Variants in RNF213 observed in about 807,000 individuals in gnomAD.
The protein encoded by RNF213 is E3 ubiquitin-protein ligase RNF213.
RNF213 carries 341 observed loss-of-function variants against 514.4 expected under a neutral mutation model. That is an observed-to-expected ratio of 0.66 (90% confidence interval 0.61 to 0.73). The LOEUF is 0.73. RNF213 is among the 30% of genes least tolerant of loss of function. The pLI is 0.00. For synonymous variants in RNF213, 2,655 were observed against 2,658.2 expected, an observed-to-expected ratio of 1.00 and a Z score of 0.04; for missense variants, 5,767 against 6,615.6, an observed-to-expected ratio of 0.87 and a Z score of 4.45.
At chr17:80,385,245 A>G (rs1221630099) in intron 60 of RNF213, 74 bp downstream of exon 60, 2 of 1,581,968 alleles carry the variant, frequency 1.3e-6, no homozygotes, top group Non-Finnish European at 1.7e-6. Context: ...ATAGGGGAAC[A>G]GGGTGGGGCG....
chr17:80,361,934 G>A, intron 39 of RNF213, 46 bp downstream of exon 39: 1 of 1,586,934 alleles, frequency 6.3e-7, no homozygotes, highest in Non-Finnish European at 8.6e-7. Context: ...GAGCTTGCAT[G>A]ATGGGGACTG....
chr17:80,351,389 A>T (rs1206213429), intron 31 of RNF213, among the ~76,000 whole-genome samples: 1 of 152,234 alleles, frequency 6.6e-6, no homozygotes, highest in Non-Finnish European at 1.5e-5. Flanking sequence ...CCCATTGAGG[A>T]GCACAAGATA....
rs1225140374 is a variant in RNF213 at position 80,288,450 on chromosome 17, G to A, written c.810+87G>A. ...TGCAAGGTGCTGGCGTTGCTTCCCTGCCGGGGGGAGGGGCGTCCTCTGGGC... is the reference window on the plus strand; with the variant it reads ...TGCAAGGTGCTGGCGTTGCTTCCCTACCGGGGGGAGGGGCGTCCTCTGGGC... On this transcript the variant is annotated intron_variant, in intron 4 of 67. Coordinates refer to ENST00000582970, the MANE Select transcript of RNF213 (RefSeq NM_001256071.3). The surrounding 1 kb of genome is among the most constrained non-coding windows in gnomAD (Gnocchi z 4.9). 2 of 1,596,314 alleles carry A rather than the reference G, an allele frequency of 1.3e-6. No homozygotes were observed. Among genetic ancestry groups the A allele is most frequent in the Non-Finnish European group, 1.7e-6 (2 of 1,170,436 alleles).
At position 80,291,626 on chromosome 17, in the gene RNF213, A is replaced by G. The variant is rs753546396; in HGVS notation, c.1272-2A>G. ...AGCCAACCGTATCCTGTTCATTCAC[A>G]GAGACTTGGGTCATGACCGCGTTCT... On this transcript the variant is annotated splice_acceptor_variant, in intron 7 of 67. Transcript: ENST00000582970. LOFTEE classifies it high-confidence loss of function. 4 of 1,614,218 alleles carry G rather than the reference A, an allele frequency of 2.5e-6. No homozygotes were observed. Among genetic ancestry groups the G allele is most frequent in the Non-Finnish European group, 3.4e-6 (4 of 1,180,018 alleles).
At chr17:80,290,471 ACGTGTGTGTGCG>A (rs2044674577) in intron 6 of RNF213, 87 bp from the exon 7 acceptor site, 1 of 1,419,776 alleles carries the variant, frequency 7.0e-7, no homozygotes, top group Non-Finnish European at 9.8e-7. Flanking sequence ...GTGTGTGTGC[ACGTGTGTGTGCG>A]CACGTGTGTG....
In RNF213 at chr17:80,386,427, A is replaced by G. The variant is rs1233742916; in HGVS notation, c.14717A>G (p.Asn4906Ser). The change falls in exon 62 of 68, where the codon AAC becomes AGC. Residue 4906 changes from asparagine to serine, a missense_variant. This residue lies in a region of RNF213 where 1,245 missense variants were observed against 1,339.0 expected (regional missense o/e 0.93). Coordinates refer to ENST00000582970, the MANE Select transcript of RNF213 (RefSeq NM_001256071.3). ...GTGGAAAAACTCTCCAAGGAAAACA[A>G]CAGGTTTGTGCACGAGCCACCAGGA... is the stretch of plus-strand genomic sequence containing the variant. ...YAVEKLSKEN[N>S]SYSVDAAEVT... The G allele has an allele frequency of 6.2e-7, 1 of 1,613,970 alleles. No homozygotes were observed. The highest frequency in any genetic ancestry group is 8.5e-7 in the Non-Finnish European group (1 of 1,180,014).
chr17:80,271,193 C>A (rs2043810734), intron 2 of RNF213, among the ~76,000 whole-genome samples: 1 of 152,146 alleles, frequency 6.6e-6, no homozygotes, highest in African/African-American at 2.4e-5. Context: ...AAGGATGGGG[C>A]CTTGGGTCGC....
chr17:80,339,403 A>G lies in RNF213; in HGVS notation c.5036A>G (p.Gln1679Arg). 1 of 1,537,304 alleles carries G rather than the reference A, an allele frequency of 6.5e-7. No individual in the cohort carries two copies. The highest frequency in any genetic ancestry group is 8.7e-7 in the Non-Finnish European group (1 of 1,146,924). The stretch of plus-strand genomic sequence containing the variant: ...GAGCTGCTGGCAGCCCTCTGCAGGC[A>G]GATGGAGCACTTCCTTGACAGCTGG... Reference protein sequence around the residue: ...VTELLAALCRQMEHFLDSWKR... With the variant: ...VTELLAALCRRMEHFLDSWKR... The change falls in exon 26 of 68, where the codon CAG (glutamine) becomes CGG (arginine). Residue 1679 changes from glutamine (Q) to arginine (R), a missense_variant. Gln to Arg is a conservative substitution (Grantham distance 43). Coordinates refer to ENST00000582970, the MANE Select transcript of RNF213 (RefSeq NM_001256071.3).
rs1193499024 is a variant in RNF213 at position 80,343,534 on chromosome 17, C to T, written c.6183+209C>T. 2.0e-5 allele frequency among the ~76,000 whole-genome samples: 3 copies of T among 152,184 alleles called. No individual in the cohort carries two copies. Among genetic ancestry groups the T allele is most frequent in the Non-Finnish European group, 4.4e-5 (3 of 68,040 alleles). On this transcript the variant is annotated intron_variant, in intron 27 of 67. Coordinates refer to ENST00000582970, the MANE Select transcript of RNF213 (RefSeq NM_001256071.3). This position sits in a 1 kb window ranked among gnomAD's most constrained non-coding sequence, Gnocchi z 4.3. ...TGGTGTGCGCTTACACTAACCTAGA[C>T]GTAGAGCCCACTGCACACACAGGCT...
chr17:80,282,968 G>A (rs2044350587), intron 3 of RNF213, among the ~76,000 whole-genome samples: 1 of 152,200 alleles, frequency 6.6e-6, no homozygotes, highest in Non-Finnish European at 1.5e-5. Context: ...AAAGTGCTGG[G>A]ATTACAGGTG....
intron 8 of RNF213, among the ~76,000 whole-genome samples, chr17:80,292,424 G>A (rs111760060): frequency 7.9e-5 from 12 of 152,154 alleles, no homozygotes; most frequent in Non-Finnish European, 1.6e-4. Context: ...GAAGGGCTGC[G>A]GCTGGGAACA....
intron 20 of RNF213, among the ~76,000 whole-genome samples, chr17:80,329,290 G>C (rs187219940): frequency 3.1e-4 from 47 of 152,368 alleles, no homozygotes; most frequent in African/African-American, 1.0e-3. Flanking sequence ...GTCTAAAGAT[G>C]TCTGTCCTCT....
intron 49 of RNF213, among the ~76,000 whole-genome samples, chr17:80,373,895 C>T (rs549085571): frequency 7.9e-5 from 12 of 151,544 alleles, no homozygotes; most frequent in East Asian, 7.8e-4. Flanking sequence ...CCCAGCTAGT[C>T]GGGAGGCTGA....
intron 54 of RNF213, 198 bp from the exon 55 acceptor site, chr17:80,379,420 CCA>C (rs1488434875): frequency 8.1e-6 from 5 of 616,498 alleles, no homozygotes; most frequent in Non-Finnish European, 8.9e-6. Context: ...AAAAACAGTT[CCA>C]GTTTGCCCAC....
chr17:80,338,056 T>C (rs1338353074), intron 25 of RNF213, 59 bp downstream of exon 25: 4 of 1,522,954 alleles, frequency 2.6e-6, no homozygotes, highest in Non-Finnish European at 3.5e-6. Flanking sequence ...CCGTGAGGGC[T>C]GTGTACTCCC....
chr17:80,357,986 A>G (rs868201493), intron 36 of RNF213, among the ~76,000 whole-genome samples: 57 of 152,332 alleles, frequency 3.7e-4, no homozygotes, highest in African/African-American at 1.3e-3. Flanking sequence ...AGACCCTCAC[A>G]TACATGTTTT....
chr17:80,393,482 A>G lies in RNF213; in HGVS notation c.15608A>G (p.Asn5203Ser). The change falls in exon 68 of 68, where the codon AAT becomes AGT. Residue 5203 changes from asparagine to serine, a missense_variant. Physicochemically the swap from Asn to Ser is conservative, Grantham distance 46 (BLOSUM62 1). Coordinates refer to ENST00000582970, the MANE Select transcript of RNF213 (RefSeq NM_001256071.3). ...AAAACAGCTGCTGTGCTGAAATGGAATCGAGAAATGAGATAGAATTATTTC... is the reference window on the plus strand; with the variant it reads ...AAAACAGCTGCTGTGCTGAAATGGAGTCGAGAAATGAGATAGAATTATTTC... Reference protein sequence around the residue: ...VWKTAAVLKWNREMR With the variant: ...VWKTAAVLKWSREMR 1 of 1,614,214 alleles carries G rather than the reference A, an allele frequency of 6.2e-7. No homozygotes were observed. The highest frequency in any genetic ancestry group is 8.5e-7 in the Non-Finnish European group (1 of 1,180,026).
chr17:80,349,684 GT>G, intron 29 of RNF213, 85 bp from the exon 30 acceptor site: 1 of 1,450,328 alleles, frequency 6.9e-7, no homozygotes, highest in Non-Finnish European at 9.7e-7. Context: ...AACATCGCAG[GT>G]TTCTAGGATC....
At chr17:80,315,736 ATGGTGGTGGTGG>A (rs1243696611) in intron 15 of RNF213, 1 of 56,448 alleles carries the variant, frequency 1.8e-5, no homozygotes, top group South Asian at 6.4e-4. Flanking sequence ...ACTGGAGGTG[ATGGTGGTGGTGG>A]TGGAGGTGAC....
Sources: gnomAD v4.1 joint callset for allele counts (sites outside exome capture counted in the v4.1 genomes callset) on GRCh38, gnomAD v4.1.1 for gene constraint, gnomAD v4.1.1 regional missense constraint, Gnocchi (gnomAD v3.1) non-coding constraint, MANE v1.5 for transcripts, NCBI Gene and HGNC (gene_info 2026-07-23, HGNC 2026-07-21) for gene names.